The following MARCHF1 variants were observed in gnomAD, a reference collection of about 807,000 sequenced individuals.
The protein encoded by MARCHF1 is membrane associated ring-CH-type finger 1, also known as E3 ubiquitin-protein ligase MARCHF1.
MARCHF1 carries 40 observed loss-of-function variants against 54.2 expected under a neutral mutation model. The observed-to-expected ratio is 0.74, with a 90% CI of 0.57 to 0.96. The LOEUF (loss-of-function observed/expected upper bound fraction) is 0.96. Among genes scored for constraint, MARCHF1 ranks in the 40% least tolerant of loss-of-function variants. The pLI, the probability that MARCHF1 is intolerant of heterozygous loss-of-function variation, is 0.00. For synonymous variants in MARCHF1, 236 were observed against 236.3 expected (o/e 1.00, Z 0.01); for missense variants, 586 against 656.5 (o/e 0.89, Z 1.17).
At chr4:163,826,145 A>C (rs1560774337) in intron 4 of MARCHF1, among the ~76,000 whole-genome samples, 1 of 152,034 alleles carries the variant, frequency 6.6e-6, no homozygotes, top group East Asian at 1.9e-4. Context: ...GAAATATTTT[A>C]TTGTTTAATT....
At chr4:163,983,981 TTTACTAAAAA>T (rs950003736) in intron 3 of MARCHF1, among the ~76,000 whole-genome samples, 7 of 151,840 alleles carry the variant, frequency 4.6e-5, no homozygotes, top group African/African-American at 1.7e-4. Flanking sequence ...TTTAGTAAAT[TTTACTAAAAA>T]TTACTAAAAA....
At chr4:164,165,221 G>T (rs1730340316) in intron 1 of MARCHF1, among the ~76,000 whole-genome samples, 1 of 152,008 alleles carries the variant, frequency 6.6e-6, no homozygotes, top group African/African-American at 2.4e-5. Flanking sequence ...ATAAGTTGAA[G>T]TCCCAACCCC....
intron 1 of MARCHF1, among the ~76,000 whole-genome samples, chr4:164,253,380 C>A (rs868262884): frequency 5.1e-4 from 77 of 152,152 alleles, no homozygotes; most frequent in African/African-American, 1.8e-3. Flanking sequence ...GAGTAGAAAA[C>A]CTTCAGAAGG....
intron 4 of MARCHF1, among the ~76,000 whole-genome samples, chr4:163,767,164 C>G (rs576111401): frequency 2.7e-5 from 4 of 150,074 alleles, no homozygotes; most frequent in African/African-American, 9.7e-5. Context: ...AGAGATCTGC[C>G]TGACTCTACA....
chr4:164,158,504 G>A (rs1040947546), intron 1 of MARCHF1, among the ~76,000 whole-genome samples: 2 of 152,030 alleles, frequency 1.3e-5, no homozygotes, highest in African/African-American at 4.8e-5. Flanking sequence ...AGCCAAGTGT[G>A]GTGACGGGCG....
At chr4:164,065,111 C>CT (rs1217207720) in intron 2 of MARCHF1, among the ~76,000 whole-genome samples, 2 of 152,062 alleles carry the variant, frequency 1.3e-5, no homozygotes, top group South Asian at 4.1e-4. Flanking sequence ...CTGAGGTTTT[C>CT]TTTTTTTGTT....
intron 1 of MARCHF1, among the ~76,000 whole-genome samples, chr4:164,298,572 G>C (rs1175856237): frequency 6.6e-6 from 1 of 151,992 alleles, no homozygotes; most frequent in Non-Finnish European, 1.5e-5. Flanking sequence ...CACGGATTTA[G>C]TTATCTTTTT....
At chr4:163,725,078 A>G (rs1745610685) in intron 4 of MARCHF1, among the ~76,000 whole-genome samples, 1 of 152,058 alleles carries the variant, frequency 6.6e-6, no homozygotes, top group Admixed American at 6.5e-5. Context: ...AAATGCAGAA[A>G]TCACCCGTCT....
intron 2 of MARCHF1, among the ~76,000 whole-genome samples, chr4:164,013,463 GAA>G: frequency 6.6e-6 from 1 of 152,228 alleles, no homozygotes; most frequent in African/African-American, 2.4e-5. Flanking sequence ...GATGGAAAGA[GAA>G]AGTTTATTCA....
At chr4:163,698,729 C>T (rs574420335) in intron 5 of MARCHF1, among the ~76,000 whole-genome samples, 5 of 152,212 alleles carry the variant, frequency 3.3e-5, no homozygotes, top group African/African-American at 1.2e-4. Context: ...ACTCAAAGAG[C>T]AGTTTAGAAA....
chr4:163,714,197 G>T (rs1561033920), intron 4 of MARCHF1, among the ~76,000 whole-genome samples: 1 of 152,150 alleles, frequency 6.6e-6, no homozygotes, highest in Non-Finnish European at 1.5e-5. Context: ...GGATTGGCTT[G>T]AAAATGGAAT....
chr4:163,662,489 T>C (rs1418011331), intron 5 of MARCHF1, among the ~76,000 whole-genome samples: 1 of 152,082 alleles, frequency 6.6e-6, no homozygotes, highest in East Asian at 1.9e-4. Flanking sequence ...TCTGCTCTCA[T>C]ATTTGTAATA....
intron 2 of MARCHF1, among the ~76,000 whole-genome samples, chr4:164,009,438 G>C (rs1037392083): frequency 2.0e-5 from 3 of 152,022 alleles, no homozygotes; most frequent in Non-Finnish European, 4.4e-5. Context: ...TTCTAAGCTC[G>C]TCTCACAAGG....
chr4:163,879,804 C>CGTGTTT (rs1553960441), intron 3 of MARCHF1, among the ~76,000 whole-genome samples: 7 of 148,378 alleles, frequency 4.7e-5, no homozygotes, highest in African/African-American at 1.7e-4. Context: ...GATTTAGAGG[C>CGTGTTT]GTGTGTGTGT....
intron 2 of MARCHF1, among the ~76,000 whole-genome samples, chr4:164,080,000 T>C (rs80355972): frequency 6.6e-6 from 1 of 152,200 alleles, no homozygotes; most frequent in South Asian, 2.1e-4. Context: ...TTCTGGGCTG[T>C]CCTGTGGCTC....
intron 7 of MARCHF1, among the ~76,000 whole-genome samples, chr4:163,590,959 A>C (rs13116247): frequency 6.6e-6 from 1 of 151,554 alleles, no homozygotes; most frequent in South Asian, 2.1e-4. Flanking sequence ...CTGTGTTTCA[A>C]GTTCATCATC....
chr4:163,631,492 C>T (rs1742079949), intron 5 of MARCHF1, among the ~76,000 whole-genome samples: 1 of 152,108 alleles, frequency 6.6e-6, no homozygotes. Context: ...GGCGCCAGGC[C>T]AAGACATTCT....
intron 1 of MARCHF1, among the ~76,000 whole-genome samples, chr4:164,168,538 T>C (rs764436397): frequency 2.0e-5 from 3 of 152,010 alleles, no homozygotes; most frequent in African/African-American, 7.2e-5. Context: ...AGTCTGTGTA[T>C]ACACACACAC....
At chr4:164,308,478 T>C (rs982376224) in intron 1 of MARCHF1, among the ~76,000 whole-genome samples, 1 of 152,180 alleles carries the variant, frequency 6.6e-6, no homozygotes, top group Admixed American at 6.5e-5. Context: ...CCTTTTTTTT[T>C]CCATCAGTAA....
Sources: gnomAD v4.1 joint callset for allele counts (sites outside exome capture counted in the v4.1 genomes callset) on GRCh38, gnomAD v4.1.1 for gene constraint, MANE v1.5 for transcripts, NCBI Gene and HGNC (gene_info 2026-07-23, HGNC 2026-07-21) for gene names.